The following TBC1D12 variants were observed in gnomAD, a reference collection of about 807,000 sequenced individuals.
The protein encoded by TBC1D12 is TBC1 domain family, member 12.
In TBC1D12, 56 loss-of-function variants were observed where a neutral mutation model predicts 86.7. The ratio of observed to expected loss-of-function variants is 0.65; its 90% CI spans 0.52 to 0.81. TBC1D12 has a LOEUF of 0.81. Ranked by LOEUF, TBC1D12 falls within the 30% of genes least tolerant of loss-of-function variation. The pLI is 0.00. For missense variants in TBC1D12, 1,023 were observed against 1,038.8 expected, an observed-to-expected ratio of 0.98 and a Z score of 0.21; for synonymous variants, 421 against 411.7, an observed-to-expected ratio of 1.02 and a Z score of -0.27.
intron 2 of TBC1D12, among the ~76,000 whole-genome samples, chr10:94,456,022 G>A (rs944686347): frequency 6.6e-6 from 1 of 151,818 alleles, no homozygotes; most frequent in East Asian, 1.9e-4. Flanking sequence ...CTGTAGTGAT[G>A]TCTCTACTTT....
At chr10:94,459,607 C>G (rs1003689971) in intron 2 of TBC1D12, among the ~76,000 whole-genome samples, 1 of 152,216 alleles carries the variant, frequency 6.6e-6, no homozygotes, top group African/African-American at 2.4e-5. Context: ...GGGGGGAGCT[C>G]GGGCATGGCA....
chr10:94,488,154 G>A (rs554562450), intron 3 of TBC1D12, among the ~76,000 whole-genome samples: 1 of 152,112 alleles, frequency 6.6e-6, no homozygotes, highest in Admixed American at 6.5e-5. Context: ...GGAAGGCTGA[G>A]GCAGGTGAAT....
At chr10:94,430,691 A>T (rs2134074456) in intron 1 of TBC1D12, among the ~76,000 whole-genome samples, 1 of 152,312 alleles carries the variant, frequency 6.6e-6, no homozygotes. Context: ...AGCTAGAGTC[A>T]TTTACCCAAC....
At chr10:94,524,336 T>C (rs958286950) in intron 11 of TBC1D12, among the ~76,000 whole-genome samples, 1 of 152,170 alleles carries the variant, frequency 6.6e-6, no homozygotes, top group African/African-American at 2.4e-5. Context: ...CAAGTGAAGA[T>C]GCAAAATGTG....
At chr10:94,486,608 T>TTA (rs1472345684) in intron 3 of TBC1D12, among the ~76,000 whole-genome samples, 2 of 152,216 alleles carry the variant, frequency 1.3e-5, no homozygotes, top group Non-Finnish European at 2.9e-5. Context: ...TTTGTATAGT[T>TTA]TACAAAATTC....
At chr10:94,413,096 A>G (rs2054948073) in intron 1 of TBC1D12, among the ~76,000 whole-genome samples, 1 of 152,226 alleles carries the variant, frequency 6.6e-6, no homozygotes, top group African/African-American at 2.4e-5. Flanking sequence ...ACACACCTTT[A>G]TAGCTCACAT....
intron 6 of TBC1D12, among the ~76,000 whole-genome samples, chr10:94,506,804 C>T (rs1336732272): frequency 6.6e-6 from 1 of 152,048 alleles, no homozygotes; most frequent in East Asian, 1.9e-4. Flanking sequence ...CTATGAGGTG[C>T]CAGGAGCTTT....
At chr10:94,438,698 G>A (rs1236637526) in intron 1 of TBC1D12, among the ~76,000 whole-genome samples, 1 of 152,034 alleles carries the variant, frequency 6.6e-6, no homozygotes, top group African/African-American at 2.4e-5. Flanking sequence ...ATGAAAGATC[G>A]GTAGCCTCTT....
At chr10:94,505,050 A>T (rs1418825386) in intron 6 of TBC1D12, among the ~76,000 whole-genome samples, 1 of 152,012 alleles carries the variant, frequency 6.6e-6, no homozygotes. Flanking sequence ...CCACATTTTT[A>T]TTATTAGATC....
At chr10:94,426,436 G>A (rs938285030) in intron 1 of TBC1D12, among the ~76,000 whole-genome samples, 19 of 151,964 alleles carry the variant, frequency 1.3e-4, no homozygotes, top group African/African-American at 4.6e-4. Flanking sequence ...TGATGTAATT[G>A]TGTGGGTTTT....
chr10:94,417,572 A>G (rs916469268), intron 1 of TBC1D12, among the ~76,000 whole-genome samples: 2 of 152,090 alleles, frequency 1.3e-5, no homozygotes, highest in Non-Finnish European at 2.9e-5. Context: ...CTCAGGAAAA[A>G]CCCTGGAGGT....
At chr10:94,460,440 A>T (rs561745518) in intron 2 of TBC1D12, among the ~76,000 whole-genome samples, 138 of 151,208 alleles carry the variant, frequency 9.1e-4, no homozygotes, top group African/African-American at 2.6e-3. Context: ...ATTTCACTCC[A>T]CTCTTTACTT....
rs34400993 is a variant in TBC1D12, at chr10:94,514,050, CAA to C, written c.1761+2408_1761+2409del. Among the ~76,000 whole-genome samples the C allele has an allele frequency of 1.5e-4, 20 of 133,780 alleles. 1 individual carries two copies. The highest frequency in any genetic ancestry group is 7.0e-4 in the South Asian group (3 of 4,266). The allele number at this position is 133,780 out of a possible 152,430, so 87.8% of individuals were successfully genotyped here. On this transcript the variant is annotated intron_variant, in intron 9 of 12. Coordinates refer to ENST00000225235, the MANE Select transcript of TBC1D12 (RefSeq NM_015188.2). ...TGTGTAATAAATCTCAAAAAAAAAA[CAA>C]AAAAAAAAAAACAGGCCAGGCATGG... is the stretch of plus-strand genomic sequence containing the variant.
chr10:94,436,404 G>C (rs1395982899), intron 1 of TBC1D12, among the ~76,000 whole-genome samples: 3 of 152,056 alleles, frequency 2.0e-5, no homozygotes, highest in Non-Finnish European at 4.4e-5. Context: ...AAAGTGCTGG[G>C]ATTACAGGTG....
At position 94,527,082 on chromosome 10, in the gene TBC1D12, T is replaced by TTGTGTGTGTGTGTGTGTGTGTGTGTGTG. The variant is rs60647037; in HGVS notation, c.2001-4096_2001-4095insTGTGTGTGTGTGTGTGTGTGTGTGTGTG. 8.3e-3 allele frequency among the ~76,000 whole-genome samples: 1,236 copies of TTGTGTGTGTGTGTGTGTGTGTGTGTGTG among 148,278 alleles called. 20 individuals carry two copies. Among genetic ancestry groups the TTGTGTGTGTGTGTGTGTGTGTGTGTGTG allele is most frequent in the African/African-American group, 0.029 (1,165 of 39,990 alleles). On this transcript the variant is annotated intron_variant, in intron 11 of 12. Coordinates refer to ENST00000225235, the MANE Select transcript of TBC1D12 (RefSeq NM_015188.2). The stretch of plus-strand genomic sequence containing the variant: ...TTTGCCCATTTTTTAGCTGGATTGA[T>TTGTGTGTGTGTGTGTGTGTGTGTGTGTG]TGTGTGTGTGTGTGTGTGTGTGTGA...
intron 1 of TBC1D12, among the ~76,000 whole-genome samples, chr10:94,438,889 C>T (rs141658003): frequency 0.022 from 3,315 of 152,010 alleles, 123 homozygotes; most frequent in African/African-American, 0.074. Context: ...CTGCAACCTC[C>T]GCCTCCTGGG....
intron 3 of TBC1D12, among the ~76,000 whole-genome samples, chr10:94,490,615 G>A (rs2056233020): frequency 6.6e-6 from 1 of 152,088 alleles, no homozygotes; most frequent in African/African-American, 2.4e-5. Flanking sequence ...TACATAGGTG[G>A]ATGCTGGACT....
At chr10:94,505,581 A>C (rs1167286591) in intron 6 of TBC1D12, among the ~76,000 whole-genome samples, 3 of 152,156 alleles carry the variant, frequency 2.0e-5, no homozygotes, top group African/African-American at 4.8e-5. Context: ...TCAAAAAATA[A>C]GAAGAAGAAG....
chr10:94,528,102 A>G (rs1842342797), intron 11 of TBC1D12, among the ~76,000 whole-genome samples: 1 of 149,474 alleles, frequency 6.7e-6, no homozygotes, highest in Admixed American at 6.7e-5. Flanking sequence ...TGGTTTTTTT[A>G]TTTCTGTGAA....
Sources: allele counts gnomAD v4.1 joint callset (sites outside exome capture counted in the v4.1 genomes callset), GRCh38; gene constraint gnomAD v4.1.1; transcripts MANE v1.5; gene names NCBI Gene and HGNC (gene_info 2026-07-23, HGNC 2026-07-21).